Variants in RAPH1 observed in about 807,000 individuals in gnomAD.
RAPH1 encodes ras-associated and pleckstrin homology domains-containing protein 1.
Under a neutral mutation model 88.1 loss-of-function variants are expected in RAPH1, and 18 were observed. The observed-to-expected ratio is 0.20, with a 90% CI of 0.14 to 0.30. The LOEUF (loss-of-function observed/expected upper bound fraction) is 0.30. RAPH1 is among the 10% of genes least tolerant of loss of function. The pLI, the probability that RAPH1 is intolerant of heterozygous loss-of-function variation, is 1.00. For synonymous variants in RAPH1, 587 were observed against 559.0 expected (o/e 1.05, Z -0.71); for missense variants, 1,448 against 1,543.2 (o/e 0.94, Z 1.03).
chr2:203,525,789 C>T (rs1286482661), intron 1 of RAPH1, among the ~76,000 whole-genome samples: 1 of 151,906 alleles, frequency 6.6e-6, no homozygotes, highest in Non-Finnish European at 1.5e-5. Context: ...AAAAACAAAA[C>T]AAAAAATGCA....
At chr2:203,463,674 G>C (rs1370746392) in intron 4 of RAPH1, among the ~76,000 whole-genome samples, 1 of 152,168 alleles carries the variant, frequency 6.6e-6, no homozygotes, top group Non-Finnish European at 1.5e-5. Flanking sequence ...TTTTAAAATG[G>C]AGAGGGCTAA....
At chr2:203,514,081 G>T (rs992854799) in intron 1 of RAPH1, among the ~76,000 whole-genome samples, 7 of 152,024 alleles carry the variant, frequency 4.6e-5, no homozygotes, top group African/African-American at 1.7e-4. Context: ...GGCCTCAAGT[G>T]ATCACCTGCC....
At chr2:203,513,217 G>A (rs1689434471) in intron 1 of RAPH1, among the ~76,000 whole-genome samples, 3 of 150,902 alleles carry the variant, frequency 2.0e-5, no homozygotes, top group African/African-American at 2.4e-5. Flanking sequence ...AATGGGGGGG[G>A]GAATAGATGA....
intron 1 of RAPH1, among the ~76,000 whole-genome samples, chr2:203,519,572 C>A (rs753481960): frequency 1.3e-5 from 2 of 152,080 alleles, no homozygotes; most frequent in Admixed American, 1.3e-4. Context: ...GAAGCTTTCC[C>A]ACTAAGATCA....
intron 1 of RAPH1, among the ~76,000 whole-genome samples, chr2:203,515,449 G>C (rs983965491): frequency 6.6e-6 from 1 of 152,232 alleles, no homozygotes; most frequent in Non-Finnish European, 1.5e-5. Context: ...AGGTTCACAT[G>C]AATGGCCTCA....
intron 1 of RAPH1, among the ~76,000 whole-genome samples, chr2:203,519,275 T>C (rs1169463654): frequency 6.6e-6 from 1 of 152,186 alleles, no homozygotes; most frequent in Non-Finnish European, 1.5e-5. Context: ...AACCCAACAA[T>C]GTATAAAAAT....
chr2:203,513,147 G>T (rs1002936572), intron 1 of RAPH1, among the ~76,000 whole-genome samples: 12 of 151,314 alleles, frequency 7.9e-5, no homozygotes, highest in Admixed American at 7.2e-4. Context: ...CCACTAACTA[G>T]CTAGAACTTT....
chr2:203,445,248 A>T, intron 12 of RAPH1: 1 of 407,994 alleles, frequency 2.5e-6, no homozygotes, highest in Non-Finnish European at 4.3e-6. Context: ...ACTGATAATT[A>T]TAATAAATGA....
intron 1 of RAPH1, among the ~76,000 whole-genome samples, chr2:203,495,599 A>T (rs138660247): frequency 2.0e-5 from 3 of 152,146 alleles, no homozygotes; most frequent in Non-Finnish European, 4.4e-5. Context: ...TCAAATTATG[A>T]CCAGAATCGC....
intron 4 of RAPH1, among the ~76,000 whole-genome samples, chr2:203,481,327 C>G (rs1241680417): frequency 6.6e-6 from 1 of 152,062 alleles, no homozygotes; most frequent in African/African-American, 2.4e-5. Context: ...CTCTCTACCT[C>G]CGTTCCTTCC....
intron 1 of RAPH1, among the ~76,000 whole-genome samples, chr2:203,531,919 G>A (rs776884369): frequency 6.6e-6 from 1 of 152,108 alleles, no homozygotes; most frequent in Non-Finnish European, 1.5e-5. Context: ...AGAACCGAAA[G>A]GAGGGATTCA....
intron 13 of RAPH1, 109 bp downstream of exon 13, chr2:203,444,759 G>C: frequency 1.1e-6 from 1 of 939,576 alleles, no homozygotes; most frequent in Middle Eastern, 2.3e-4. Flanking sequence ...TAATAAAGGA[G>C]ACTGAAATAA....
intron 4 of RAPH1, among the ~76,000 whole-genome samples, chr2:203,480,536 A>G (rs1383509317): frequency 2.0e-5 from 3 of 152,234 alleles, no homozygotes; most frequent in African/African-American, 7.2e-5. Flanking sequence ...CAAAAGAGCA[A>G]GACCCTGTCT....
intron 4 of RAPH1, 117 bp from the exon 5 acceptor site, chr2:203,462,042 C>G: frequency 1.6e-6 from 1 of 634,252 alleles, no homozygotes; most frequent in Non-Finnish European, 2.5e-6. Context: ...TAACTACACA[C>G]AGAGCACATT....
Position 203,461,740 on chromosome 2 carries a change from C to T in RAPH1, c.810+108G>A, listed in dbSNP as rs916529621. On this transcript the variant is annotated intron_variant, in intron 5 of 13. Coordinates refer to ENST00000319170, the MANE Select transcript of RAPH1 (RefSeq NM_213589.3). ...AAATATATTACTAGGAAGAAATGCC[C>T]CTGTATCTCTCCATATCTTAGAAGT... 1.5e-5 allele frequency: 11 copies of T among 714,488 alleles called. No individual in the cohort carries two copies. In the African/African-American group the frequency reaches 1.8e-4, roughly 12 times the overall value. 44.3% of individuals were successfully genotyped at this position (714,488 alleles called of 1,614,324 possible).
intron 1 of RAPH1, among the ~76,000 whole-genome samples, chr2:203,506,864 A>ATC (rs1559494892): frequency 2.0e-4 from 6 of 30,576 alleles, no homozygotes; most frequent in East Asian, 5.6e-4. Context: ...ATCTATATAT[A>ATC]TATATATATA....
At chr2:203,500,203 A>G (rs1688681506) in intron 1 of RAPH1, among the ~76,000 whole-genome samples, 1 of 152,230 alleles carries the variant, frequency 6.6e-6, no homozygotes, top group Non-Finnish European at 1.5e-5. Flanking sequence ...TAAAAGAGGT[A>G]TGTTAAGTGA....
At chr2:203,471,994 G>A (rs1271745926) in intron 4 of RAPH1, among the ~76,000 whole-genome samples, 1 of 152,020 alleles carries the variant, frequency 6.6e-6, no homozygotes, top group East Asian at 1.9e-4. Context: ...AAAGACACTA[G>A]GTAAGTAGTA....
At chr2:203,460,863 T>C (rs1333866360) in intron 6 of RAPH1, among the ~76,000 whole-genome samples, 1 of 152,104 alleles carries the variant, frequency 6.6e-6, no homozygotes, top group Non-Finnish European at 1.5e-5. Context: ...ACGCCTGTAA[T>C]CCCAGCACTT....
Sources: gnomAD v4.1 joint callset for allele counts (sites outside exome capture counted in the v4.1 genomes callset) on GRCh38, gnomAD v4.1.1 for gene constraint, MANE v1.5 for transcripts, NCBI Gene and HGNC (gene_info 2026-07-23, HGNC 2026-07-21) for gene names.